PTPRG: variants seen among roughly 807,000 people sequenced by gnomAD.
PTPRG encodes the protein protein tyrosine phosphatase receptor type G, also known as receptor-type tyrosine-protein phosphatase gamma.
A neutral mutation model predicts 165.3 loss-of-function variants in PTPRG; 102 were observed. The observed-to-expected ratio is 0.62, with a 90% CI of 0.53 to 0.73. The LOEUF (loss-of-function observed/expected upper bound fraction) is 0.73. Ranked by LOEUF, PTPRG falls within the 30% of genes least tolerant of loss-of-function variation. PTPRG has a pLI of 0.00. For missense variants in PTPRG, 1,866 were observed against 1,861.4 expected (o/e 1.00, Z -0.05); for synonymous variants, 675 against 669.5 (o/e 1.01, Z -0.13).
At chr3:61,744,702 C>G (rs949987530) in intron 1 of PTPRG, among the ~76,000 whole-genome samples, 7 of 152,002 alleles carry the variant, frequency 4.6e-5, no homozygotes, top group African/African-American at 1.7e-4. Flanking sequence ...AAAGGGAAAA[C>G]TAAATATAGT....
chr3:61,761,754 T>TGGA (rs1224827182), intron 2 of PTPRG, among the ~76,000 whole-genome samples: 1 of 152,228 alleles, frequency 6.6e-6, no homozygotes, highest in Non-Finnish European at 1.5e-5. Context: ...ATCCACATTC[T>TGGA]TCCAGCTTGA....
At chr3:62,082,846 C>T (rs1036799036) in intron 5 of PTPRG, among the ~76,000 whole-genome samples, 3 of 152,184 alleles carry the variant, frequency 2.0e-5, no homozygotes, top group African/African-American at 7.2e-5. Context: ...AAGGTGCGCT[C>T]CCTTCGTAGC....
chr3:62,185,659 C>T (rs1000399035), intron 8 of PTPRG, among the ~76,000 whole-genome samples: 3 of 152,218 alleles, frequency 2.0e-5, no homozygotes, highest in Admixed American at 2.0e-4. Context: ...TAGCTCACCA[C>T]TGCCACGTGT....
intron 1 of PTPRG, among the ~76,000 whole-genome samples, chr3:61,662,239 T>G (rs1458396851): frequency 6.6e-6 from 1 of 152,214 alleles, no homozygotes; most frequent in East Asian, 1.9e-4. Flanking sequence ...ATAATAAGGT[T>G]GAAGTGATAG....
chr3:61,583,061 T>G (rs1700342253), intron 1 of PTPRG, among the ~76,000 whole-genome samples: 1 of 152,154 alleles, frequency 6.6e-6, no homozygotes, highest in African/African-American at 2.4e-5. Context: ...TGGTTGACCA[T>G]GAGGCAAATG....
intron 1 of PTPRG, among the ~76,000 whole-genome samples, chr3:61,681,126 C>T (rs979227504): frequency 6.7e-5 from 10 of 149,186 alleles, no homozygotes; most frequent in African/African-American, 2.2e-4. Flanking sequence ...ATTTCTGTCT[C>T]TGTGAAATAG....
At chr3:62,033,953 A>T (rs1322154073) in intron 4 of PTPRG, among the ~76,000 whole-genome samples, 1 of 151,970 alleles carries the variant, frequency 6.6e-6, no homozygotes, top group Non-Finnish European at 1.5e-5. Context: ...TTTGGTAGAG[A>T]CGGGATTTCA....
intron 1 of PTPRG, among the ~76,000 whole-genome samples, chr3:61,707,756 T>C (rs1302745447): frequency 2.0e-5 from 3 of 152,190 alleles, no homozygotes; most frequent in African/African-American, 7.2e-5. Flanking sequence ...TTTACCGTCA[T>C]AGTATTTAAG....
At chr3:62,042,120 A>G (rs1254475655) in intron 4 of PTPRG, among the ~76,000 whole-genome samples, 2 of 152,146 alleles carry the variant, frequency 1.3e-5, no homozygotes, top group Non-Finnish European at 2.9e-5. Flanking sequence ...AAAATCTTGC[A>G]CTGCTGGCAC....
rs996438927 is a variant in PTPRG at position 62,210,527 on chromosome 3, G to T, written c.2155+6577G>T. 2.0e-5 allele frequency among the ~76,000 whole-genome samples: 3 copies of T among 152,168 alleles called. No individual in the cohort carries two copies. Among genetic ancestry groups the T allele is most frequent in the African/African-American group, 7.2e-5 (3 of 41,442 alleles). On this transcript the variant is annotated intron_variant, in intron 12 of 29. Transcript: ENST00000474889. This position sits in a 1 kb window ranked among gnomAD's most constrained non-coding sequence, Gnocchi z 4.1. ...AATAGTATGGTAGTTCCTTAAAAAA[G>T]TGAAACCAGAATTACCATATGATTT... is the stretch of plus-strand genomic sequence containing the variant.
chr3:61,672,774 G>GGAGAGAGGGA (rs1423935760), intron 1 of PTPRG, among the ~76,000 whole-genome samples: 6 of 139,214 alleles, frequency 4.3e-5, no homozygotes, highest in African/African-American at 1.5e-4. Flanking sequence ...AGAGGGAGAG[G>GGAGAGAGGGA]GAGAGAGGGA....
intron 2 of PTPRG, among the ~76,000 whole-genome samples, chr3:61,857,789 A>G (rs1253143239): frequency 6.6e-6 from 1 of 152,166 alleles, no homozygotes; most frequent in Non-Finnish European, 1.5e-5. Context: ...CTGCAATCAA[A>G]TATGGCTTTC....
chr3:62,150,915 C>T (rs1239251441), intron 6 of PTPRG, among the ~76,000 whole-genome samples: 1 of 152,158 alleles, frequency 6.6e-6, no homozygotes, highest in Non-Finnish European at 1.5e-5. Context: ...CTGATTACTG[C>T]ACAGGTCTCT....
chr3:61,709,197 G>A (rs189634511), intron 1 of PTPRG, among the ~76,000 whole-genome samples: 1 of 152,360 alleles, frequency 6.6e-6, no homozygotes, highest in East Asian at 1.9e-4. Flanking sequence ...GCTGATAAGA[G>A]TGTAAGCCAG....
rs1700718659 is a variant in PTPRG, at chr3:62,224,526, AG to A, written c.2288+5548del. Among the ~76,000 whole-genome samples, 1 of 152,222 alleles carries A rather than the reference AG, an allele frequency of 6.6e-6. No individual in the cohort carries two copies. Among genetic ancestry groups the A allele is most frequent in the South Asian group, 2.1e-4 (1 of 4,830 alleles). On this transcript the variant is annotated intron_variant, in intron 13 of 29. Coordinates refer to ENST00000474889, the MANE Select transcript of PTPRG (RefSeq NM_002841.4). The surrounding 1 kb of genome is among the most constrained non-coding windows in gnomAD (Gnocchi z 4.9). Reference sequence around the variant, plus strand: ...ACAGCCCCAAGGACACAGATGAGGTAGGGGGAACACGTGGGTATTTGTTAAG... The same window carrying A: ...ACAGCCCCAAGGACACAGATGAGGTAGGGGAACACGTGGGTATTTGTTAAG...
In PTPRG at chr3:61,817,363, G is replaced by A. The variant is rs1167931231; in HGVS notation, c.190+68381G>A. On this transcript the variant is annotated intron_variant, in intron 2 of 29. Coordinates refer to ENST00000474889, the MANE Select transcript of PTPRG (RefSeq NM_002841.4). ...GGAGATTTTTATTTTGGGGGGAGTT[G>A]GTAATTTAATGTACCTTTTCATATT... Among the ~76,000 whole-genome samples the A allele has an allele frequency of 2.0e-5, 3 of 149,142 alleles. No individual in the cohort carries two copies. The East Asian group carries it at 5.9e-4, about 29-fold the overall frequency.
At chr3:61,953,741 T>TC (rs201179844) in intron 2 of PTPRG, among the ~76,000 whole-genome samples, 1,756 of 152,280 alleles carry the variant, frequency 0.012, 37 homozygotes, top group African/African-American at 0.039. Context: ...AGCACGTCAG[T>TC]CATACTAAAC....
At chr3:62,292,339 A>C in intron 28 of PTPRG, 82 bp from the exon 29 acceptor site, 2 of 1,436,480 alleles carry the variant, frequency 1.4e-6, no homozygotes, top group South Asian at 2.7e-5. Flanking sequence ...AGTTTCTATG[A>C]AAATACATGA....
intron 2 of PTPRG, among the ~76,000 whole-genome samples, chr3:61,975,685 A>C (rs954971): frequency 0.53 from 80,808 of 151,444 alleles, 21,964 homozygotes; most frequent in African/African-American, 0.65. Context: ...TTATGGTGGC[A>C]ACTTTGTTTG....
Sources: gnomAD v4.1 joint callset for allele counts (sites outside exome capture counted in the v4.1 genomes callset) on GRCh38, gnomAD v4.1.1 for gene constraint, Gnocchi (gnomAD v3.1) non-coding constraint, MANE v1.5 for transcripts, NCBI Gene and HGNC (gene_info 2026-07-23, HGNC 2026-07-21) for gene names.